Variants in CNTNAP2 observed in about 807,000 individuals in gnomAD.
CNTNAP2 encodes the protein contactin associated protein 2.
In CNTNAP2, 98 loss-of-function variants were observed where a neutral mutation model predicts 155.2. The ratio of observed to expected loss-of-function variants is 0.63; its 90% CI spans 0.54 to 0.75. The LOEUF (loss-of-function observed/expected upper bound fraction) is 0.75, where lower values mean the gene tolerates loss of function less well. CNTNAP2 is among the 30% of genes least tolerant of loss of function. The pLI is 0.00. For missense variants in CNTNAP2, 1,727 were observed against 1,688.1 expected (o/e 1.02, Z -0.40); for synonymous variants, 651 against 631.2 (o/e 1.03, Z -0.47).
At chr7:147,594,482 A>C (rs1327487605) in intron 12 of CNTNAP2, among the ~76,000 whole-genome samples, 4 of 152,136 alleles carry the variant, frequency 2.6e-5, no homozygotes, top group African/African-American at 7.2e-5. Context: ...GAGGGGCTTG[A>C]CTACCTGCTT....
At chr7:147,810,843 A>G (rs911311530) in intron 13 of CNTNAP2, among the ~76,000 whole-genome samples, 1 of 152,198 alleles carries the variant, frequency 6.6e-6, no homozygotes, top group Non-Finnish European at 1.5e-5. Context: ...CTAACAAAGA[A>G]TGACTGAAGT....
At position 146,350,590 on chromosome 7, in the gene CNTNAP2, A is replaced by G. The variant is rs528548113; in HGVS notation, c.97+233617A>G. On this transcript the variant is annotated intron_variant, in intron 1 of 23. Transcript: ENST00000361727. ...TTTTACACTGTTGGTGGGACTGTAA[A>G]CTAATTCAACCATTGTGGAAGTCAG... Among the ~76,000 whole-genome samples the G allele has an allele frequency of 4.6e-3, 694 of 151,858 alleles. 5 individuals are homozygous for G. Among genetic ancestry groups the G allele is most frequent in the Middle Eastern group, 0.01 (3 of 292 alleles).
intron 1 of CNTNAP2, among the ~76,000 whole-genome samples, chr7:146,708,588 ATTT>A (rs71165029): frequency 1.6e-5 from 1 of 63,956 alleles, no homozygotes; most frequent in Non-Finnish European, 2.5e-5. Context: ...AAAAAAAGTG[ATTT>A]TTTTTTTTTT....
intron 1 of CNTNAP2, among the ~76,000 whole-genome samples, chr7:146,361,290 A>G (rs1053365402): frequency 2.0e-5 from 3 of 152,122 alleles, no homozygotes; most frequent in African/African-American, 7.2e-5. Context: ...CAGAGGGCAT[A>G]CTTTTTGTAA....
chr7:148,383,000 C>T (rs945866865), intron 21 of CNTNAP2, among the ~76,000 whole-genome samples: 11 of 152,146 alleles, frequency 7.2e-5, no homozygotes, highest in Non-Finnish European at 1.6e-4. Flanking sequence ...GTTGAGCCTA[C>T]AGGTAGTGGG....
At chr7:146,841,471 C>A (rs114977856) in intron 3 of CNTNAP2, among the ~76,000 whole-genome samples, 1 of 152,112 alleles carries the variant, frequency 6.6e-6, no homozygotes, top group Non-Finnish European at 1.5e-5. Flanking sequence ...ACAGACCCTT[C>A]TAACACCCAG....
intron 3 of CNTNAP2, among the ~76,000 whole-genome samples, chr7:146,994,128 C>T (rs6945085): frequency 0.94 from 142,642 of 152,234 alleles, 66,931 homozygotes; most frequent in East Asian, 1. Context: ...TTATTTAAGT[C>T]CAATCTATGT....
intron 1 of CNTNAP2, among the ~76,000 whole-genome samples, chr7:146,499,797 A>T (rs544989704): frequency 2.0e-5 from 3 of 152,222 alleles, no homozygotes; most frequent in African/African-American, 7.2e-5. Context: ...GCTGTATATC[A>T]ATTTGAGGAG....
At chr7:147,596,669 G>A (rs909371717) in intron 12 of CNTNAP2, among the ~76,000 whole-genome samples, 1 of 152,078 alleles carries the variant, frequency 6.6e-6, no homozygotes, top group African/African-American at 2.4e-5. Context: ...TGTGTCAGAG[G>A]CATTCAAACC....
chr7:146,843,535 G>A (rs563550518), intron 3 of CNTNAP2, among the ~76,000 whole-genome samples: 18 of 147,854 alleles, frequency 1.2e-4, no homozygotes, highest in Middle Eastern at 3.8e-3. Context: ...CAGTAAGCCT[G>A]CCACATAATG....
intron 1 of CNTNAP2, among the ~76,000 whole-genome samples, chr7:146,656,523 C>T (rs1799997917): frequency 6.6e-6 from 1 of 152,142 alleles, no homozygotes; most frequent in African/African-American, 2.4e-5. Flanking sequence ...CACTTGTAAG[C>T]ATACGGATGA....
At chr7:147,457,461 T>C (rs1302387992) in intron 10 of CNTNAP2, among the ~76,000 whole-genome samples, 1 of 152,146 alleles carries the variant, frequency 6.6e-6, no homozygotes, top group African/African-American at 2.4e-5. Flanking sequence ...CTGTTCTGTA[T>C]CCCCTGAACC....
chr7:146,263,634 A>G (rs1799953417), intron 1 of CNTNAP2, among the ~76,000 whole-genome samples: 3 of 152,192 alleles, frequency 2.0e-5, no homozygotes, highest in African/African-American at 4.8e-5. Flanking sequence ...TTGTAGACAG[A>G]GCAGGGTATG....
In CNTNAP2 at chr7:147,698,620, T is replaced by C. The variant is rs531279709; in HGVS notation, c.2098+59314T>C. ...CTCTATTGTCAAGTCTAGAGTGCAG[T>C]AGCACAGTCATGCTCACTGCTGTCC... On this transcript the variant is annotated intron_variant, in intron 13 of 23. Coordinates refer to ENST00000361727, the MANE Select transcript of CNTNAP2 (RefSeq NM_014141.6). Among the ~76,000 whole-genome samples, 3 of 152,344 alleles carry C rather than the reference T, an allele frequency of 2.0e-5. No homozygotes were observed. The East Asian group carries it at 5.8e-4, about 29-fold the overall frequency.
chr7:148,059,220 G>A lies in CNTNAP2; in HGVS notation c.2384-58898G>A, dbSNP rs926529486. On this transcript the variant is annotated intron_variant, in intron 15 of 23. Transcript: ENST00000361727. The stretch of plus-strand genomic sequence containing the variant: ...GGAGAATCACTTGAACCCAAGACGT[G>A]GAGGTTGCAGTAAGTGGAGATCATG... 1.1e-4 allele frequency among the ~76,000 whole-genome samples: 16 copies of A among 152,130 alleles called. 1 individual carries two copies. The highest frequency in any genetic ancestry group is 1.0e-3 in the Admixed American group (16 of 15,274).
chr7:146,770,871 G>A (rs139298998), intron 1 of CNTNAP2, among the ~76,000 whole-genome samples: 376 of 152,114 alleles, frequency 2.5e-3, no homozygotes, highest in Middle Eastern at 3.4e-3. Context: ...TACATTCAAC[G>A]CAACCATATC....
intron 3 of CNTNAP2, among the ~76,000 whole-genome samples, chr7:146,875,574 C>T (rs577822003): frequency 5.3e-5 from 8 of 152,146 alleles, no homozygotes; most frequent in African/African-American, 1.7e-4. Context: ...GAAGACAGAG[C>T]CCCTGTCTTC....
At chr7:146,119,935 G>T (rs1797538733) in intron 1 of CNTNAP2, among the ~76,000 whole-genome samples, 2 of 151,556 alleles carry the variant, frequency 1.3e-5, no homozygotes. Context: ...TTGAATACAT[G>T]TTATAAAGTA....
chr7:148,137,680 GGAA>G (rs1804984847), intron 16 of CNTNAP2, among the ~76,000 whole-genome samples: 1 of 90,910 alleles, frequency 1.1e-5, no homozygotes, highest in South Asian at 3.8e-4. Flanking sequence ...AAGGAAGGAA[GGAA>G]GGAAGGAAGG....
Sources: allele counts gnomAD v4.1 joint callset (sites outside exome capture counted in the v4.1 genomes callset), GRCh38; gene constraint gnomAD v4.1.1; transcripts MANE v1.5; gene names NCBI Gene and HGNC (gene_info 2026-07-23, HGNC 2026-07-21).